PACS1: variants seen among roughly 807,000 people sequenced by gnomAD.
PACS1 encodes the protein phosphofurin acidic cluster sorting protein 1, also known as PACS-1.
In PACS1, 24 loss-of-function variants were observed where a neutral mutation model predicts 115.0. The observed-to-expected ratio is 0.21, with a 90% CI of 0.15 to 0.29. The LOEUF (loss-of-function observed/expected upper bound fraction) is 0.29. Ranked by LOEUF, PACS1 falls within the 10% of genes least tolerant of loss-of-function variation. PACS1 has a pLI of 1.00. For missense variants in PACS1, 838 were observed against 1,251.2 expected (o/e 0.67, Z 4.98); for synonymous variants, 453 against 504.5 (o/e 0.90, Z 1.37).
At chr11:66,121,166 T>C (rs1357886703) in intron 1 of PACS1, 1 of 439,532 alleles carries the variant, frequency 2.3e-6, no homozygotes, top group East Asian at 7.1e-5. Context: ...TTTTTTATTA[T>C]TGTGTTGGTT....
chr11:66,242,018 T>C (rs543618511), intron 22 of PACS1, among the ~76,000 whole-genome samples: 1 of 151,778 alleles, frequency 6.6e-6, no homozygotes, highest in Non-Finnish European at 1.5e-5. Flanking sequence ...GACGCAGGAG[T>C]AGAGAACTTG....
intron 20 of PACS1, 135 bp downstream of exon 20, chr11:66,238,981 C>T (rs1437771472): frequency 3.7e-6 from 5 of 1,355,242 alleles, no homozygotes; most frequent in East Asian, 2.5e-5. Context: ...CTATGGGCGC[C>T]CTCACTCCCC....
intron 1 of PACS1, among the ~76,000 whole-genome samples, chr11:66,166,962 T>A (rs1308805823): frequency 6.6e-6 from 1 of 150,378 alleles, no homozygotes; most frequent in Admixed American, 6.6e-5. Context: ...ATCATGGACT[T>A]CACATATGTT....
intron 1 of PACS1, among the ~76,000 whole-genome samples, chr11:66,124,119 G>T (rs1858516222): frequency 6.6e-6 from 1 of 152,222 alleles, no homozygotes. Context: ...ATTCTAGTGG[G>T]AAGACAAATA....
chr11:66,107,249 C>G (rs1189779606), intron 1 of PACS1, among the ~76,000 whole-genome samples: 2 of 152,130 alleles, frequency 1.3e-5, no homozygotes, highest in Non-Finnish European at 2.9e-5. Flanking sequence ...TATGATCTGC[C>G]TTGGTCTCTG....
intron 13 of PACS1, 168 bp from the exon 14 acceptor site, chr11:66,232,004 T>C: frequency 1.7e-6 from 1 of 578,550 alleles, no homozygotes; most frequent in Middle Eastern, 3.2e-4. Flanking sequence ...TTCTCCTCCT[T>C]TCCATCGTGG....
chr11:66,230,672 G>T lies in PACS1; in HGVS notation c.1490+9G>T. Reference sequence around the variant, plus strand: ...GGCTCTGCCTCCCCCAGGTACTGCAGATGGAAAGGAAGCAGGGGGTACAGC... The same window carrying T: ...GGCTCTGCCTCCCCCAGGTACTGCATATGGAAAGGAAGCAGGGGGTACAGC... On this transcript the variant is annotated intron_variant, in intron 12 of 23. Transcript: ENST00000320580. 1.2e-6 allele frequency: 2 copies of T among 1,612,032 alleles called. No homozygotes were observed. The highest frequency in any genetic ancestry group is 1.7e-6 in the Non-Finnish European group (2 of 1,178,028).
chr11:66,194,109 G>A (rs1854594256), intron 2 of PACS1, among the ~76,000 whole-genome samples: 1 of 152,046 alleles, frequency 6.6e-6, no homozygotes, highest in Non-Finnish European at 1.5e-5. Flanking sequence ...GACTACAGGC[G>A]CCTGCCACCA....
chr11:66,216,030 G>C, intron 4 of PACS1, 89 bp from the exon 5 acceptor site: 5 of 1,223,232 alleles, frequency 4.1e-6, no homozygotes, highest in Admixed American at 3.9e-5. Flanking sequence ...GCAGAATGCT[G>C]TTGCCCCTGG....
intron 1 of PACS1, among the ~76,000 whole-genome samples, chr11:66,072,214 C>G (rs1310286708): frequency 6.6e-6 from 1 of 152,020 alleles, no homozygotes; most frequent in Non-Finnish European, 1.5e-5. Flanking sequence ...TTGTGAGAAT[C>G]ATCCATGTGG....
chr11:66,114,666 T>TA (rs1303797164), intron 1 of PACS1, among the ~76,000 whole-genome samples: 1 of 152,176 alleles, frequency 6.6e-6, no homozygotes, highest in African/African-American at 2.4e-5. Flanking sequence ...TTCTAGCTTT[T>TA]AAAAAAGCTT....
At chr11:66,089,962 C>T (rs758746447) in intron 1 of PACS1, among the ~76,000 whole-genome samples, 8 of 143,582 alleles carry the variant, frequency 5.6e-5, no homozygotes, top group Non-Finnish European at 1.0e-4. Flanking sequence ...GCCAAGATCG[C>T]GCCACTGCAC....
intron 11 of PACS1, among the ~76,000 whole-genome samples, chr11:66,228,078 C>G (rs947338249): frequency 6.6e-6 from 1 of 152,022 alleles, no homozygotes; most frequent in South Asian, 2.1e-4. Context: ...ATTGCACAAA[C>G]ATTTACTGTG....
At chr11:66,207,096 A>C (rs1854958305) in intron 2 of PACS1, among the ~76,000 whole-genome samples, 1 of 152,200 alleles carries the variant, frequency 6.6e-6, no homozygotes, top group Non-Finnish European at 1.5e-5. Context: ...TCCGTACATC[A>C]TAACATTTCA....
chr11:66,213,877 CA>C (rs1855136386), intron 4 of PACS1, among the ~76,000 whole-genome samples: 1 of 151,634 alleles, frequency 6.6e-6, no homozygotes, highest in South Asian at 2.1e-4. Flanking sequence ...ACTAAAAATA[CA>C]AAAAATTAGC....
At position 66,085,689 on chromosome 11, in the gene PACS1, C is replaced by G. The variant is rs1857554700; in HGVS notation, c.356+14847C>G. 2.0e-5 allele frequency among the ~76,000 whole-genome samples: 3 copies of G among 152,154 alleles called. No individual in the cohort carries two copies. The South Asian group carries it at 6.2e-4, about 31-fold the overall frequency. ...TGATGGTTTGTAACTAGTTCTCAAC[C>G]CTGTCATACCCTGTGACTCCCTTTA... On this transcript the variant is annotated intron_variant, in intron 1 of 23. Transcript: ENST00000320580.
intron 4 of PACS1, 119 bp from the exon 5 acceptor site, chr11:66,216,000 G>A: frequency 2.7e-6 from 2 of 745,304 alleles, no homozygotes; most frequent in Non-Finnish European, 4.3e-6. Context: ...GGATTTGAAA[G>A]TAAGGAAGAA....
chr11:66,191,349 T>C (rs1854517901), intron 1 of PACS1, among the ~76,000 whole-genome samples: 1 of 152,168 alleles, frequency 6.6e-6, no homozygotes, highest in Admixed American at 6.5e-5. Flanking sequence ...CTTAATCACA[T>C]CTGCACAGTC....
At chr11:66,115,208 CA>C (rs71455703) in intron 1 of PACS1, among the ~76,000 whole-genome samples, 180 of 80,366 alleles carry the variant, frequency 2.2e-3, no homozygotes, top group Middle Eastern at 6.5e-3. Flanking sequence ...GACCCTATCT[CA>C]AAAAAAAAAA....
Sources: gnomAD v4.1 joint callset for allele counts (sites outside exome capture counted in the v4.1 genomes callset) on GRCh38, gnomAD v4.1.1 for gene constraint, MANE v1.5 for transcripts, NCBI Gene and HGNC (gene_info 2026-07-23, HGNC 2026-07-21) for gene names.